ACBD6: variants seen among roughly 807,000 people sequenced by gnomAD.
The protein encoded by ACBD6 is acyl-CoA-binding domain-containing protein 6.
ACBD6 carries 28 observed loss-of-function variants against 37.2 expected under a neutral mutation model. The observed-to-expected ratio is 0.75, with a 90% CI of 0.56 to 1.03. The LOEUF (loss-of-function observed/expected upper bound fraction) is 1.03, where lower values mean the gene tolerates loss of function less well. Ranked by LOEUF, ACBD6 falls within the 50% of genes least tolerant of loss-of-function variation. The pLI is 0.00. For synonymous variants in ACBD6, 113 were observed against 126.8 expected, an observed-to-expected ratio of 0.89 and a Z score of 0.73; for missense variants, 340 against 337.4, an observed-to-expected ratio of 1.01 and a Z score of -0.06.
chr1:180,458,448 T>C (rs190511278), intron 3 of ACBD6, among the ~76,000 whole-genome samples: 1 of 152,316 alleles, frequency 6.6e-6, no homozygotes, highest in East Asian at 1.9e-4. Context: ...TTAGGTATGT[T>C]GTCATATAAT....
intron 6 of ACBD6, among the ~76,000 whole-genome samples, chr1:180,342,446 T>C (rs948441076): frequency 6.6e-6 from 1 of 152,158 alleles, no homozygotes; most frequent in African/African-American, 2.4e-5. Flanking sequence ...ATGTAAGTTG[T>C]TCTTCTCTTA....
At chr1:180,330,429 C>A (rs1651434339) in intron 6 of ACBD6, among the ~76,000 whole-genome samples, 1 of 151,476 alleles carries the variant, frequency 6.6e-6, no homozygotes, top group Non-Finnish European at 1.5e-5. Context: ...CAAAAACAAA[C>A]AAACAAACAA....
At chr1:180,474,207 A>G (rs1482368939) in intron 3 of ACBD6, among the ~76,000 whole-genome samples, 1 of 152,202 alleles carries the variant, frequency 6.6e-6, no homozygotes, top group East Asian at 1.9e-4. Flanking sequence ...AAGAAGAGAT[A>G]GCACTATGTT....
At chr1:180,413,675 C>T (rs1404640856) in intron 4 of ACBD6, among the ~76,000 whole-genome samples, 1 of 151,946 alleles carries the variant, frequency 6.6e-6, no homozygotes, top group Non-Finnish European at 1.5e-5. Flanking sequence ...ACTTGCCTTA[C>T]AGGATAAGAG....
In ACBD6 at chr1:180,375,263, C is replaced by A. The variant is rs559202072; in HGVS notation, c.663+22253G>T. Among the ~76,000 whole-genome samples, 90 of 152,060 alleles carry A rather than the reference C, an allele frequency of 5.9e-4. 1 individual carries two copies. Among genetic ancestry groups the A allele is most frequent in the Non-Finnish European group, 8.7e-4 (59 of 67,970 alleles). Reference sequence around the variant, plus strand: ...GAAGCAGTGGAAGAGGTTATGAAGTCCAAAATTAAACCCCAAACATAAGGA... The same window carrying A: ...GAAGCAGTGGAAGAGGTTATGAAGTACAAAATTAAACCCCAAACATAAGGA... On this transcript the variant is annotated intron_variant, in intron 6 of 7. Transcript: ENST00000367595.
At chr1:180,496,334 T>C (rs919012051) in intron 1 of ACBD6, among the ~76,000 whole-genome samples, 1 of 152,192 alleles carries the variant, frequency 6.6e-6, no homozygotes, top group Non-Finnish European at 1.5e-5. Flanking sequence ...TACTTTTCAC[T>C]TTTTCTACCA....
chr1:180,487,289 A>G (rs1651308110), intron 3 of ACBD6, among the ~76,000 whole-genome samples: 1 of 152,132 alleles, frequency 6.6e-6, no homozygotes, highest in Non-Finnish European at 1.5e-5. Flanking sequence ...ACTTTCCACC[A>G]TTGCAGTTAC....
intron 6 of ACBD6, among the ~76,000 whole-genome samples, chr1:180,366,595 C>T (rs1653064139): frequency 6.6e-6 from 1 of 152,072 alleles, no homozygotes; most frequent in Admixed American, 6.5e-5. Context: ...GTAATTTGAA[C>T]TTGATTCACA....
At chr1:180,365,563 T>A (rs1279211223) in intron 6 of ACBD6, among the ~76,000 whole-genome samples, 2 of 152,206 alleles carry the variant, frequency 1.3e-5, no homozygotes, top group Non-Finnish European at 2.9e-5. Flanking sequence ...TGTTTTATAT[T>A]AATTACATCC....
chr1:180,383,408 G>T (rs1653732825), intron 6 of ACBD6, among the ~76,000 whole-genome samples: 1 of 152,034 alleles, frequency 6.6e-6, no homozygotes, highest in South Asian at 2.1e-4. Context: ...AACTAGCTGA[G>T]AAAGAAATCA....
At chr1:180,354,211 A>G (rs1386566015) in intron 6 of ACBD6, among the ~76,000 whole-genome samples, 2 of 152,240 alleles carry the variant, frequency 1.3e-5, no homozygotes, top group African/African-American at 4.8e-5. Flanking sequence ...CCTAATTCCC[A>G]ACAGATGAAT....
chr1:180,435,146 G>T (rs1648971969), intron 3 of ACBD6: 1 of 712,802 alleles, frequency 1.4e-6, no homozygotes, highest in Admixed American at 1.9e-5. Flanking sequence ...CAGGGTACAA[G>T]CAGAAGCACA....
chr1:180,415,120 CAAAA>C (rs1047269727), intron 4 of ACBD6, among the ~76,000 whole-genome samples: 4 of 150,916 alleles, frequency 2.7e-5, no homozygotes, highest in African/African-American at 4.9e-5. Context: ...AACAAACAAA[CAAAA>C]AAAACCAAAA....
chr1:180,339,543 AG>A (rs57371127), intron 6 of ACBD6, among the ~76,000 whole-genome samples: 145,286 of 152,178 alleles, frequency 0.95, 69,423 homozygotes, highest in African/African-American at 0.99. Context: ...GGGTGGAAGG[AG>A]GGAGGGAGGG....
chr1:180,301,234 T>G (rs1388439564), intron 7 of ACBD6, among the ~76,000 whole-genome samples: 1 of 152,058 alleles, frequency 6.6e-6, no homozygotes, highest in Non-Finnish European at 1.5e-5. Flanking sequence ...CACAGAAGAG[T>G]ACCAAAATCA....
At chr1:180,422,938 G>A (rs1036772778) in intron 4 of ACBD6, among the ~76,000 whole-genome samples, 1 of 152,138 alleles carries the variant, frequency 6.6e-6, no homozygotes, top group Non-Finnish European at 1.5e-5. Flanking sequence ...TTAATTTCAT[G>A]CAGTTATGAT....
intron 3 of ACBD6, among the ~76,000 whole-genome samples, chr1:180,477,143 G>A (rs1650829957): frequency 6.6e-6 from 1 of 152,096 alleles, no homozygotes; most frequent in Non-Finnish European, 1.5e-5. Context: ...AGGGATGTAT[G>A]GAGTGGGACA....
At chr1:180,355,760 T>G (rs79135388) in intron 6 of ACBD6, among the ~76,000 whole-genome samples, 2,996 of 152,312 alleles carry the variant, frequency 0.02, 100 homozygotes, top group African/African-American at 0.067. Flanking sequence ...GTCTTATGCA[T>G]GCCACTACTC....
rs1242336465 is a variant in ACBD6, at chr1:180,339,086, C to T, written c.664-24364G>A. On this transcript the variant is annotated intron_variant, in intron 6 of 7. Coordinates refer to ENST00000367595, the MANE Select transcript of ACBD6 (RefSeq NM_032360.4). The stretch of plus-strand genomic sequence containing the variant: ...GAACACTTTTACACTGTTGGTGGGA[C>T]TGTAAACTAGCTCAACCATTGTGGA... 2.0e-5 allele frequency among the ~76,000 whole-genome samples: 3 copies of T among 152,302 alleles called. No individual in the cohort carries two copies. In the East Asian group the frequency reaches 5.8e-4, roughly 29 times the overall value.
Sources: allele counts gnomAD v4.1 joint callset (sites outside exome capture counted in the v4.1 genomes callset), GRCh38; gene constraint gnomAD v4.1.1; transcripts MANE v1.5; gene names NCBI Gene and HGNC (gene_info 2026-07-23, HGNC 2026-07-21).